The following PRKCZ variants were observed in gnomAD, a reference collection of about 807,000 sequenced individuals.
PRKCZ encodes the protein protein kinase C zeta type.
PRKCZ carries 33 observed loss-of-function variants against 79.5 expected under a neutral mutation model. That is an observed-to-expected ratio of 0.41 (90% confidence interval 0.31 to 0.55). PRKCZ has a LOEUF of 0.55. Among genes scored for constraint, PRKCZ ranks in the 20% least tolerant of loss-of-function variants. The pLI, the probability that PRKCZ is intolerant of heterozygous loss-of-function variation, is 0.19. For missense variants in PRKCZ, 578 were observed against 813.5 expected, an observed-to-expected ratio of 0.71 and a Z score of 3.52; for synonymous variants, 342 against 320.9, an observed-to-expected ratio of 1.07 and a Z score of -0.70.
At chr1:2,102,605 T>G (rs575437596) in intron 4 of PRKCZ, among the ~76,000 whole-genome samples, 1 of 152,222 alleles carries the variant, frequency 6.6e-6, no homozygotes, top group Non-Finnish European at 1.5e-5. Flanking sequence ...GTGCTAGGAT[T>G]ACAGGTGTGA....
chr1:2,158,655 C>T (rs1488282988), intron 10 of PRKCZ, among the ~76,000 whole-genome samples: 1 of 152,170 alleles, frequency 6.6e-6, no homozygotes, highest in Non-Finnish European at 1.5e-5. Context: ...TGCTTTGGTT[C>T]TTCTTCATAT....
intron 4 of PRKCZ, among the ~76,000 whole-genome samples, chr1:2,117,770 G>C (rs898227898): frequency 2.6e-5 from 4 of 152,070 alleles, no homozygotes; most frequent in Non-Finnish European, 2.9e-5. Flanking sequence ...AATTTTTTCA[G>C]ATGCTTTTTT....
chr1:2,153,065 C>T (rs997078907), intron 9 of PRKCZ, among the ~76,000 whole-genome samples: 4 of 152,242 alleles, frequency 2.6e-5, no homozygotes, highest in African/African-American at 4.8e-5. Flanking sequence ...TGCCAGGCTG[C>T]TTCCCACGCA....
chr1:2,135,885 A>G (rs1012997209), intron 5 of PRKCZ, among the ~76,000 whole-genome samples: 10 of 152,128 alleles, frequency 6.6e-5, no homozygotes, highest in Non-Finnish European at 1.3e-4. Context: ...TTCCTATGAA[A>G]TGGGTGATTC....
intron 4 of PRKCZ, among the ~76,000 whole-genome samples, chr1:2,129,051 G>C (rs1487869854): frequency 6.6e-6 from 1 of 152,120 alleles, no homozygotes; most frequent in South Asian, 2.1e-4. Context: ...CTTTTGAGGG[G>C]TGGGGACCGC....
At chr1:2,136,603 C>T (rs1477880290) in intron 5 of PRKCZ, among the ~76,000 whole-genome samples, 9 of 152,190 alleles carry the variant, frequency 5.9e-5, no homozygotes, top group African/African-American at 9.6e-5. Flanking sequence ...GGAGCCTAGG[C>T]GGCTGTGTGC....
intron 16 of PRKCZ, chr1:2,181,919 G>A (rs896191345): frequency 1.1e-5 from 5 of 454,160 alleles, no homozygotes; most frequent in African/African-American, 1.0e-4. Context: ...CCACAGGTGA[G>A]CCGTTCTGCC....
rs977564777 is a variant in PRKCZ, at chr1:2,145,957, T to C, written c.553-70T>C. 18 of 1,363,928 alleles carry C rather than the reference T, an allele frequency of 1.3e-5. No homozygotes were observed. In the Admixed American group the frequency reaches 2.4e-4, roughly 18 times the overall value. 84.5% of individuals were successfully genotyped at this position (1,363,928 alleles called of 1,614,324 possible). ...TTAATTTTAAAAAGTCACAAAGTGTTTACAGAAGCTACATTGTAACACCTG... is the reference window on the plus strand; with the variant it reads ...TTAATTTTAAAAAGTCACAAAGTGTCTACAGAAGCTACATTGTAACACCTG... On this transcript the variant is annotated intron_variant, in intron 6 of 17. Transcript: ENST00000378567.
intron 4 of PRKCZ, among the ~76,000 whole-genome samples, chr1:2,102,583 T>A (rs184609722): frequency 2.3e-4 from 35 of 152,126 alleles, no homozygotes; most frequent in African/African-American, 8.4e-4. Context: ...CCGCCCGCCT[T>A]GGCCTCCCAA....
intron 4 of PRKCZ, among the ~76,000 whole-genome samples, chr1:2,072,246 C>T (rs991588800): frequency 2.6e-5 from 4 of 152,358 alleles, no homozygotes; most frequent in South Asian, 2.1e-4. Context: ...AATTTGAACC[C>T]GGGGCTCTGG....
intron 4 of PRKCZ, among the ~76,000 whole-genome samples, chr1:2,134,340 A>T (rs965661599): frequency 4.6e-5 from 7 of 152,180 alleles, no homozygotes; most frequent in Non-Finnish European, 4.4e-5. Flanking sequence ...TTTCCACTTC[A>T]GTATATTTGT....
At chr1:2,159,052 A>G (rs955202540) in intron 10 of PRKCZ, among the ~76,000 whole-genome samples, 56 of 151,886 alleles carry the variant, frequency 3.7e-4, no homozygotes, top group Non-Finnish European at 4.4e-4. Flanking sequence ...CAGCCTCCTG[A>G]GTAGCTGGGA....
chr1:2,116,778 C>T (rs1387059325), intron 4 of PRKCZ, among the ~76,000 whole-genome samples: 1 of 152,156 alleles, frequency 6.6e-6, no homozygotes, highest in Admixed American at 6.5e-5. Context: ...CATTTCCATA[C>T]ACATGGGCTT....
At chr1:2,112,340 G>C (rs1669905320) in intron 4 of PRKCZ, among the ~76,000 whole-genome samples, 1 of 152,218 alleles carries the variant, frequency 6.6e-6, no homozygotes, top group East Asian at 1.9e-4. Context: ...TGCACCTTCT[G>C]TCCGAAGCAG....
intron 4 of PRKCZ, among the ~76,000 whole-genome samples, chr1:2,115,511 T>A (rs1021338305): frequency 3.3e-5 from 5 of 152,180 alleles, no homozygotes; most frequent in African/African-American, 1.2e-4. Flanking sequence ...GTCCTGTGTT[T>A]CCATTCAGCT....
intron 4 of PRKCZ, among the ~76,000 whole-genome samples, chr1:2,121,985 CACGGCG>C: frequency 9.3e-6 from 1 of 107,826 alleles, no homozygotes; most frequent in Non-Finnish European, 1.8e-5. Context: ...TGGTTAGGGT[CACGGCG>C]GTGGTTAGGG....
intron 4 of PRKCZ, among the ~76,000 whole-genome samples, chr1:2,065,370 A>G (rs1213988473): frequency 1.3e-5 from 2 of 151,820 alleles, no homozygotes; most frequent in Non-Finnish European, 2.9e-5. Flanking sequence ...GAATTCCACT[A>G]CTCTGTTGAA....
intron 5 of PRKCZ, chr1:2,143,997 T>TG (rs1677954112): frequency 1.7e-6 from 1 of 600,152 alleles, no homozygotes; most frequent in African/African-American, 1.9e-5. Context: ...GGCCTCTCCT[T>TG]GGGGCCACTG....
chr1:2,132,260 C>G (rs1042416843), intron 4 of PRKCZ, among the ~76,000 whole-genome samples: 1 of 152,244 alleles, frequency 6.6e-6, no homozygotes, highest in African/African-American at 2.4e-5. Context: ...CTGGCTCTGT[C>G]TTCCGTTGGA....
Sources: gnomAD v4.1 joint callset for allele counts (sites outside exome capture counted in the v4.1 genomes callset) on GRCh38, gnomAD v4.1.1 for gene constraint, MANE v1.5 for transcripts, NCBI Gene and HGNC (gene_info 2026-07-23, HGNC 2026-07-21) for gene names.